The following MSI2 variants were observed in gnomAD, a reference collection of about 807,000 sequenced individuals.
MSI2 encodes musashi RNA binding protein 2, also known as RNA-binding protein Musashi homolog 2.
In MSI2, 17 loss-of-function variants were observed where a neutral mutation model predicts 45.6. The ratio of observed to expected loss-of-function variants is 0.37; its 90% CI spans 0.26 to 0.56. The LOEUF (loss-of-function observed/expected upper bound fraction) is 0.56, where lower values mean the gene tolerates loss of function less well. Among genes scored for constraint, MSI2 ranks in the 20% least tolerant of loss-of-function variants. The pLI, the probability that MSI2 is intolerant of heterozygous loss-of-function variation, is 0.77. For missense variants in MSI2, 293 were observed against 444.2 expected (o/e 0.66, Z 3.06); for synonymous variants, 156 against 158.2 (o/e 0.99, Z 0.11).
At chr17:57,669,864 T>C (rs981568549) in intron 11 of MSI2, among the ~76,000 whole-genome samples, 3 of 152,086 alleles carry the variant, frequency 2.0e-5, no homozygotes, top group Non-Finnish European at 2.9e-5. Context: ...GAAGAGTCTC[T>C]CTCCCGGAAA....
intron 5 of MSI2, among the ~76,000 whole-genome samples, chr17:57,348,751 G>A (rs1343495894): frequency 2.0e-5 from 3 of 152,122 alleles, no homozygotes; most frequent in African/African-American, 4.8e-5. Context: ...CCAGCCTCAG[G>A]TACTTCCTTA....
intron 7 of MSI2, among the ~76,000 whole-genome samples, chr17:57,581,180 T>G (rs2088197193): frequency 6.6e-6 from 1 of 151,956 alleles, no homozygotes; most frequent in Non-Finnish European, 1.5e-5. Flanking sequence ...GCCTGGCTAA[T>G]TTTTGTATTT....
intron 7 of MSI2, among the ~76,000 whole-genome samples, chr17:57,544,595 A>G (rs1452950031): frequency 1.3e-5 from 2 of 152,216 alleles, no homozygotes; most frequent in Non-Finnish European, 2.9e-5. Context: ...GATTGATTTG[A>G]TAAATAATAA....
At chr17:57,445,932 A>T (rs1431412113) in intron 6 of MSI2, among the ~76,000 whole-genome samples, 2 of 152,134 alleles carry the variant, frequency 1.3e-5, no homozygotes, top group Non-Finnish European at 2.9e-5. Context: ...TCACGAGACA[A>T]ATGTTTAGGA....
chr17:57,575,038 G>A (rs1038459996), intron 7 of MSI2, among the ~76,000 whole-genome samples: 6 of 152,018 alleles, frequency 3.9e-5, no homozygotes, highest in African/African-American at 1.2e-4. Context: ...CACTGTGTTA[G>A]CCAGGATGGT....
intron 6 of MSI2, among the ~76,000 whole-genome samples, chr17:57,466,674 T>A (rs2085336321): frequency 6.6e-6 from 1 of 152,190 alleles, no homozygotes; most frequent in South Asian, 2.1e-4. Context: ...GAGAAACTGT[T>A]TTCATTTTTT....
At chr17:57,402,235 G>A (rs1257381230) in intron 6 of MSI2, among the ~76,000 whole-genome samples, 1 of 152,196 alleles carries the variant, frequency 6.6e-6, no homozygotes, top group Non-Finnish European at 1.5e-5. Flanking sequence ...TCCTCAGATG[G>A]CCCTGTTGCC....
chr17:57,277,053 CTTTTTTTTTT>C (rs34561938), intron 5 of MSI2, among the ~76,000 whole-genome samples: 3,609 of 124,990 alleles, frequency 0.029, 97 homozygotes, highest in Non-Finnish European at 0.041. Flanking sequence ...GTTTTCTTTT[CTTTTTTTTTT>C]TTTTTTTTTT....
chr17:57,335,107 G>A (rs1438689345), intron 5 of MSI2, among the ~76,000 whole-genome samples: 1 of 152,188 alleles, frequency 6.6e-6, no homozygotes, highest in Non-Finnish European at 1.5e-5. Context: ...GTCAGTGCCA[G>A]GAGATTTCTC....
chr17:57,402,649 C>A (rs1363951627), intron 6 of MSI2, among the ~76,000 whole-genome samples: 2 of 152,184 alleles, frequency 1.3e-5, no homozygotes, highest in Non-Finnish European at 2.9e-5. Context: ...GGGATGAGGG[C>A]CATGACCTTT....
intron 7 of MSI2, among the ~76,000 whole-genome samples, chr17:57,593,716 T>C (rs1905041114): frequency 6.6e-6 from 1 of 152,202 alleles, no homozygotes; most frequent in South Asian, 2.1e-4. Flanking sequence ...GCTACACTTG[T>C]CCTAATTAGC....
At chr17:57,471,691 T>C (rs1055654767) in intron 6 of MSI2, among the ~76,000 whole-genome samples, 3 of 152,082 alleles carry the variant, frequency 2.0e-5, no homozygotes, top group East Asian at 1.9e-4. Flanking sequence ...CAGGAGACCA[T>C]GCAGCTGTAA....
intron 5 of MSI2, among the ~76,000 whole-genome samples, chr17:57,333,140 C>G (rs1385780316): frequency 6.6e-6 from 1 of 152,106 alleles, no homozygotes; most frequent in African/African-American, 2.4e-5. Context: ...CCTCTTTGTT[C>G]CTCAGTTTCC....
At chr17:57,460,866 G>A (rs2085213393) in intron 6 of MSI2, among the ~76,000 whole-genome samples, 1 of 152,126 alleles carries the variant, frequency 6.6e-6, no homozygotes, top group Admixed American at 6.5e-5. Flanking sequence ...TGAGGAGGGT[G>A]GCAGGCTCTG....
intron 5 of MSI2, among the ~76,000 whole-genome samples, chr17:57,390,332 C>T (rs2083766999): frequency 6.6e-6 from 1 of 152,154 alleles, no homozygotes; most frequent in Non-Finnish European, 1.5e-5. Flanking sequence ...CTTACAGAGC[C>T]CTGGCTGCAT....
chr17:57,389,277 C>T (rs1426720716), intron 5 of MSI2, among the ~76,000 whole-genome samples: 1 of 152,156 alleles, frequency 6.6e-6, no homozygotes, highest in Non-Finnish European at 1.5e-5. Context: ...GCGCCCGAGC[C>T]CCCTGCTCTT....
intron 5 of MSI2, among the ~76,000 whole-genome samples, chr17:57,338,116 GTC>G (rs2143770670): frequency 6.6e-6 from 1 of 152,258 alleles, no homozygotes; most frequent in Non-Finnish European, 1.5e-5. Context: ...TTGAGACAGA[GTC>G]TCTCTCTGTC....
At chr17:57,512,633 T>C (rs959201474) in intron 6 of MSI2, among the ~76,000 whole-genome samples, 1 of 152,228 alleles carries the variant, frequency 6.6e-6, no homozygotes, top group African/African-American at 2.4e-5. Flanking sequence ...GGCACAAGCC[T>C]GTCTGTCCCT....
intron 5 of MSI2, among the ~76,000 whole-genome samples, chr17:57,384,590 G>A (rs567546291): frequency 6.6e-6 from 1 of 152,266 alleles, no homozygotes; most frequent in South Asian, 2.1e-4. Flanking sequence ...CCTCAGACTC[G>A]AGGGGAGGGA....
Sources: gnomAD v4.1 joint callset for allele counts (sites outside exome capture counted in the v4.1 genomes callset) on GRCh38, gnomAD v4.1.1 for gene constraint, MANE v1.5 for transcripts, NCBI Gene and HGNC (gene_info 2026-07-23, HGNC 2026-07-21) for gene names.